The following RARB variants were observed in gnomAD, a reference collection of about 807,000 sequenced individuals.
RARB encodes the protein retinoic acid receptor beta, also known as HBV-activated protein.
In RARB, 17 loss-of-function variants were observed where a neutral mutation model predicts 51.9. The ratio of observed to expected loss-of-function variants is 0.33; its 90% CI spans 0.22 to 0.49. The LOEUF (loss-of-function observed/expected upper bound fraction) is 0.49. RARB is among the 20% of genes least tolerant of loss of function. RARB has a pLI of 0.99. For missense variants in RARB, 369 were observed against 550.8 expected, an observed-to-expected ratio of 0.67 and a Z score of 3.30; for synonymous variants, 215 against 195.4, an observed-to-expected ratio of 1.10 and a Z score of -0.84.
intron 3 of RARB, among the ~76,000 whole-genome samples, chr3:25,530,477 T>C (rs750639576): frequency 4.6e-5 from 7 of 152,194 alleles, no homozygotes; most frequent in Admixed American, 1.3e-4. Flanking sequence ...TGCATTCCTT[T>C]TTGGAGGCTC....
intron 2 of RARB, among the ~76,000 whole-genome samples, chr3:24,872,188 C>G (rs1027634155): frequency 5.3e-5 from 8 of 152,130 alleles, no homozygotes; most frequent in African/African-American, 1.4e-4. Context: ...CCAACATACC[C>G]CCTTTCTGAT....
chr3:25,317,113 T>C (rs1704448643), intron 5 of RARB, among the ~76,000 whole-genome samples: 1 of 150,542 alleles, frequency 6.6e-6, no homozygotes, highest in Non-Finnish European at 1.5e-5. Context: ...TTTGCATAGA[T>C]AAAAGCAATA....
chr3:25,179,053 A>G (rs568717640), intron 5 of RARB, among the ~76,000 whole-genome samples: 5 of 152,286 alleles, frequency 3.3e-5, no homozygotes, highest in African/African-American at 1.2e-4. Flanking sequence ...TTCTTTTTTA[A>G]TGATCAGAAA....
At chr3:25,257,042 G>C (rs1180855360) in intron 5 of RARB, among the ~76,000 whole-genome samples, 1 of 152,072 alleles carries the variant, frequency 6.6e-6, no homozygotes, top group East Asian at 1.9e-4. Flanking sequence ...TTTACCAAGG[G>C]AAATGTAAGC....
intron 2 of RARB, among the ~76,000 whole-genome samples, chr3:24,925,420 G>T (rs1387310008): frequency 2.0e-5 from 3 of 151,884 alleles, no homozygotes; most frequent in Non-Finnish European, 4.4e-5. Context: ...AATATGGAGG[G>T]TTGCATGAGC....
intron 5 of RARB, among the ~76,000 whole-genome samples, chr3:25,585,161 G>A (rs946694438): frequency 3.3e-5 from 5 of 152,160 alleles, no homozygotes; most frequent in Non-Finnish European, 7.3e-5. Flanking sequence ...GGCAATAGAA[G>A]CTTCCTTTCA....
chr3:25,392,663 T>C (rs6797088), intron 5 of RARB, among the ~76,000 whole-genome samples: 25,264 of 151,714 alleles, frequency 0.17, 2,373 homozygotes, highest in Admixed American at 0.3. Flanking sequence ...GTAAAAGGGG[T>C]CGAGGTATTT....
chr3:24,917,371 G>C (rs116657933), intron 2 of RARB, among the ~76,000 whole-genome samples: 96 of 152,288 alleles, frequency 6.3e-4, no homozygotes, highest in African/African-American at 2.2e-3. Flanking sequence ...AAAAAAGACA[G>C]ATCACAGGCT....
chr3:25,064,598 A>G (rs1199355979), intron 3 of RARB, among the ~76,000 whole-genome samples: 2 of 152,188 alleles, frequency 1.3e-5, no homozygotes, highest in African/African-American at 4.8e-5. Context: ...AACTTCACCC[A>G]GTGCTATTGT....
rs1224234871 is a variant in RARB at position 25,594,921 on chromosome 3, A to G, written c.1150+243A>G. ...AGCTTTAAAATTCATGACTGATTAG[A>G]AAAACATTGTTTTCAAGAGAATGTA... On this transcript the variant is annotated intron_variant, in intron 7 of 7. Transcript: ENST00000330688. Among the ~76,000 whole-genome samples, 4 of 152,142 alleles carry G rather than the reference A, an allele frequency of 2.6e-5. No homozygotes were observed. The South Asian group carries it at 6.2e-4, about 24-fold the overall frequency.
At chr3:25,521,206 A>G (rs1375266100) in intron 3 of RARB, among the ~76,000 whole-genome samples, 1 of 152,230 alleles carries the variant, frequency 6.6e-6, no homozygotes, top group African/African-American at 2.4e-5. Context: ...GCGTGTCTCC[A>G]GTGAAGAGAT....
chr3:25,169,850 T>A (rs2125350816), intron 4 of RARB, among the ~76,000 whole-genome samples: 1 of 152,084 alleles, frequency 6.6e-6, no homozygotes, highest in South Asian at 2.1e-4. Flanking sequence ...TAGCTGGGCC[T>A]GGTGACACAC....
intron 1 of RARB, among the ~76,000 whole-genome samples, chr3:24,840,597 T>A (rs1366983183): frequency 6.6e-6 from 1 of 152,174 alleles, no homozygotes; most frequent in Non-Finnish European, 1.5e-5. Context: ...GTATGACATA[T>A]AAAACCAAGT....
chr3:25,566,691 T>A (rs1700509449), intron 3 of RARB, among the ~76,000 whole-genome samples: 1 of 152,212 alleles, frequency 6.6e-6, no homozygotes, highest in South Asian at 2.1e-4. Flanking sequence ...TAGAGCTGGG[T>A]TTGCTCGTCT....
intron 3 of RARB, among the ~76,000 whole-genome samples, chr3:25,060,459 G>C (rs935146435): frequency 6.6e-6 from 1 of 151,834 alleles, no homozygotes; most frequent in African/African-American, 2.4e-5. Context: ...TAAGGGGCCA[G>C]ATAGTGAATA....
At chr3:25,149,444 T>C (rs1381709764) in intron 4 of RARB, among the ~76,000 whole-genome samples, 1 of 152,240 alleles carries the variant, frequency 6.6e-6, no homozygotes, top group Non-Finnish European at 1.5e-5. Context: ...GAAAATGTGA[T>C]TGTGGGTGAG....
At chr3:24,959,489 GT>G (rs1336427044) in intron 2 of RARB, among the ~76,000 whole-genome samples, 1 of 152,136 alleles carries the variant, frequency 6.6e-6, no homozygotes, top group Non-Finnish European at 1.5e-5. Flanking sequence ...GAAACACAGG[GT>G]TTTTTATCGA....
intron 2 of RARB, among the ~76,000 whole-genome samples, chr3:24,976,862 T>C (rs1452813320): frequency 6.6e-6 from 1 of 152,250 alleles, no homozygotes. Context: ...TGGTATTGCC[T>C]AGGTTTTCAT....
intron 5 of RARB, among the ~76,000 whole-genome samples, chr3:25,212,182 A>T (rs904252499): frequency 2.0e-5 from 3 of 152,208 alleles, no homozygotes; most frequent in African/African-American, 7.2e-5. Flanking sequence ...TTTTATTTTT[A>T]TGTTTCTAAA....
Sources: allele counts gnomAD v4.1 joint callset (sites outside exome capture counted in the v4.1 genomes callset), GRCh38; gene constraint gnomAD v4.1.1; transcripts MANE v1.5; gene names NCBI Gene and HGNC (gene_info 2026-07-23, HGNC 2026-07-21).